Variants in DOCK3 observed in about 807,000 individuals in gnomAD.
The protein encoded by DOCK3 is dedicator of cytokinesis 3, also known as dedicator of cytokinesis protein 3.
A neutral mutation model predicts 265.6 loss-of-function variants in DOCK3; 60 were observed. The observed-to-expected ratio is 0.23, with a 90% CI of 0.18 to 0.28. DOCK3 has a LOEUF of 0.28. Ranked by LOEUF, DOCK3 falls within the 10% of genes least tolerant of loss-of-function variation. The probability of loss-of-function intolerance (pLI) is 1.00; values close to 1 mark genes in which losing one functional copy is unlikely to be tolerated. For synonymous variants in DOCK3, 881 were observed against 938.0 expected (o/e 0.94, Z 1.11); for missense variants, 1,981 against 2,594.3 (o/e 0.76, Z 5.14).
intron 12 of DOCK3, among the ~76,000 whole-genome samples, chr3:51,164,535 A>G (rs192113704): frequency 6.6e-6 from 1 of 151,494 alleles, no homozygotes; most frequent in Non-Finnish European, 1.5e-5. Flanking sequence ...GAGGCAGGAG[A>G]ATGGCGTGAA....
At chr3:51,346,228 G>A (rs1366098529) in intron 38 of DOCK3, among the ~76,000 whole-genome samples, 1 of 152,098 alleles carries the variant, frequency 6.6e-6, no homozygotes, top group Non-Finnish European at 1.5e-5. Context: ...CCATGTTGGT[G>A]TGCTGCACCT....
intron 27 of DOCK3, among the ~76,000 whole-genome samples, chr3:51,281,390 G>A (rs1265747743): frequency 4.6e-5 from 7 of 151,110 alleles, no homozygotes; most frequent in Admixed American, 4.6e-4. Context: ...CATGGGCCGT[G>A]GGTTAGACAA....
intron 1 of DOCK3, among the ~76,000 whole-genome samples, chr3:50,718,357 A>G (rs935247089): frequency 1.3e-5 from 2 of 152,162 alleles, no homozygotes; most frequent in African/African-American, 2.4e-5. Flanking sequence ...CTCTAAGGAC[A>G]TCTTGGTTGC....
chr3:50,890,231 A>C (rs540418448), intron 4 of DOCK3, 150 bp downstream of exon 4: 3 of 562,432 alleles, frequency 5.3e-6, no homozygotes, highest in East Asian at 7.1e-5. Flanking sequence ...TTGAGGGAAT[A>C]ATGTTTTCTT....
At chr3:51,165,172 C>T (rs1441818281) in intron 12 of DOCK3, among the ~76,000 whole-genome samples, 5 of 152,166 alleles carry the variant, frequency 3.3e-5, no homozygotes, top group Admixed American at 6.5e-5. Flanking sequence ...CTCCTAACCT[C>T]GTACTCAGCC....
At chr3:51,140,945 A>G (rs1490563450) in intron 9 of DOCK3, among the ~76,000 whole-genome samples, 1 of 151,976 alleles carries the variant, frequency 6.6e-6, no homozygotes, top group Admixed American at 6.6e-5. Context: ...TTGTCTTTTT[A>G]TTATTGAATT....
At chr3:50,759,193 TTTAA>T (rs1455058644) in intron 1 of DOCK3, among the ~76,000 whole-genome samples, 2 of 152,138 alleles carry the variant, frequency 1.3e-5, no homozygotes, top group African/African-American at 2.4e-5. Flanking sequence ...AAATTAGATA[TTTAA>T]TTAACTAAAT....
chr3:51,085,537 A>G (rs892003561), intron 7 of DOCK3, among the ~76,000 whole-genome samples: 1 of 152,248 alleles, frequency 6.6e-6, no homozygotes, highest in Non-Finnish European at 1.5e-5. Flanking sequence ...CTGTATAAAC[A>G]CATGGAAATT....
At chr3:51,010,067 T>C (rs549630903) in intron 5 of DOCK3, among the ~76,000 whole-genome samples, 2 of 152,236 alleles carry the variant, frequency 1.3e-5, no homozygotes, top group African/African-American at 2.4e-5. Flanking sequence ...ATAAGTGCAA[T>C]GTGGTGCTGA....
chr3:50,824,881 G>A (rs1163229071), intron 2 of DOCK3, among the ~76,000 whole-genome samples: 3 of 152,054 alleles, frequency 2.0e-5, no homozygotes, highest in Admixed American at 1.3e-4. Context: ...GCTACTGTTA[G>A]GACTCAAAAA....
At chr3:50,877,514 G>A in intron 3 of DOCK3, 1 of 520,106 alleles carries the variant, frequency 1.9e-6, no homozygotes, top group Non-Finnish European at 3.8e-6. Context: ...GCAGTGTTTG[G>A]CTTCTGTAAT....
At chr3:50,934,108 A>G in intron 5 of DOCK3, 31 bp downstream of exon 5, 1 of 1,487,602 alleles carries the variant, frequency 6.7e-7, no homozygotes, top group Non-Finnish European at 9.2e-7. Flanking sequence ...TTATTGGATC[A>G]TTAAAGTTTA....
At chr3:51,294,443 C>G (rs1333701836) in intron 27 of DOCK3, among the ~76,000 whole-genome samples, 1 of 152,036 alleles carries the variant, frequency 6.6e-6, no homozygotes, top group African/African-American at 2.4e-5. Context: ...CTTTGGGAGG[C>G]CAAGGCAGGC....
chr3:51,260,354 G>A (rs757421354), intron 23 of DOCK3, 28 bp downstream of exon 23: 9 of 1,572,212 alleles, frequency 5.7e-6, no homozygotes, highest in Non-Finnish European at 7.8e-6. Flanking sequence ...AAGCTTTGAT[G>A]CTGGGTTCCT....
intron 9 of DOCK3, among the ~76,000 whole-genome samples, chr3:51,095,973 C>A (rs928105251): frequency 1.4e-5 from 2 of 146,440 alleles, no homozygotes; most frequent in East Asian, 4.2e-4. Context: ...AAAGCTTCTG[C>A]AGAGAGATCC....
chr3:51,017,134 AT>A (rs1278246515), intron 5 of DOCK3, among the ~76,000 whole-genome samples: 3 of 149,126 alleles, frequency 2.0e-5, no homozygotes, highest in South Asian at 4.2e-4. Context: ...GAATTTATTC[AT>A]TTTTTTCTAG....
At chr3:51,264,913 A>G (rs2080079444) in intron 23 of DOCK3, among the ~76,000 whole-genome samples, 1 of 151,984 alleles carries the variant, frequency 6.6e-6, no homozygotes, top group Non-Finnish European at 1.5e-5. Flanking sequence ...TTAATCTGGA[A>G]GCTGGTTTTT....
chr3:51,016,619 AT>A (rs1389254924), intron 5 of DOCK3, among the ~76,000 whole-genome samples: 2 of 34,408 alleles, frequency 5.8e-5, no homozygotes, highest in African/African-American at 1.8e-4. Flanking sequence ...TTATATATTT[AT>A]ATATATAATA....
At chr3:50,806,105 A>G (rs1227641798) in intron 2 of DOCK3, among the ~76,000 whole-genome samples, 7 of 151,760 alleles carry the variant, frequency 4.6e-5, no homozygotes, top group Admixed American at 3.9e-4. Context: ...GCCTGGGAGC[A>G]TGCCTGCTAG....
Sources: gnomAD v4.1 joint callset for allele counts (sites outside exome capture counted in the v4.1 genomes callset) on GRCh38, gnomAD v4.1.1 for gene constraint, MANE v1.5 for transcripts, NCBI Gene and HGNC (gene_info 2026-07-23, HGNC 2026-07-21) for gene names.